Variants in PLCL1 observed in about 807,000 individuals in gnomAD.
PLCL1 encodes inactive phospholipase C-like protein 1.
In PLCL1, 41 loss-of-function variants were observed where a neutral mutation model predicts 84.4. That is an observed-to-expected ratio of 0.49 (90% confidence interval 0.38 to 0.63). The LOEUF is 0.63. Among genes scored for constraint, PLCL1 ranks in the 30% least tolerant of loss-of-function variants. The probability of loss-of-function intolerance (pLI) is 0.00; values close to 1 mark genes in which losing one functional copy is unlikely to be tolerated. For synonymous variants in PLCL1, 490 were observed against 488.3 expected (o/e 1.00, Z -0.05); for missense variants, 1,206 against 1,367.8 (o/e 0.88, Z 1.87).
intron 1 of PLCL1, among the ~76,000 whole-genome samples, chr2:197,820,172 A>T (rs1179794389): frequency 6.6e-6 from 1 of 152,048 alleles, no homozygotes; most frequent in Non-Finnish European, 1.5e-5. Context: ...AAGAAAAAGC[A>T]ATGGATCTGA....
chr2:198,143,993 C>T (rs1176775070), intron 5 of PLCL1, among the ~76,000 whole-genome samples: 1 of 151,910 alleles, frequency 6.6e-6, no homozygotes, highest in East Asian at 1.9e-4. Flanking sequence ...CTGGTACAAA[C>T]TGTTTCCTCC....
At chr2:197,994,986 C>A (rs1407116895) in intron 1 of PLCL1, among the ~76,000 whole-genome samples, 1 of 152,122 alleles carries the variant, frequency 6.6e-6, no homozygotes, top group African/African-American at 2.4e-5. Flanking sequence ...TTTCTCAAAG[C>A]CTTTCTCCAA....
chr2:197,885,735 A>C (rs1687911537), intron 1 of PLCL1, among the ~76,000 whole-genome samples: 1 of 152,124 alleles, frequency 6.6e-6, no homozygotes. Flanking sequence ...TTGTTTCGCT[A>C]TCTAATTATA....
chr2:197,950,334 G>T (rs1186855418), intron 1 of PLCL1, among the ~76,000 whole-genome samples: 1 of 152,082 alleles, frequency 6.6e-6, no homozygotes, highest in Non-Finnish European at 1.5e-5. Flanking sequence ...ACAGCTGGGG[G>T]TCTCTCGTAC....
intron 5 of PLCL1, among the ~76,000 whole-genome samples, chr2:198,137,368 C>T (rs2105942159): frequency 6.6e-6 from 1 of 152,272 alleles, no homozygotes; most frequent in African/African-American, 2.4e-5. Context: ...TAGCAGATCT[C>T]AGTGATACTG....
chr2:197,969,695 A>G (rs570293799), intron 1 of PLCL1, among the ~76,000 whole-genome samples: 1 of 152,206 alleles, frequency 6.6e-6, no homozygotes, highest in Non-Finnish European at 1.5e-5. Flanking sequence ...ATAAGATTGT[A>G]CTTTCCACCA....
Position 198,084,677 on chromosome 2 carries a change from A to C in PLCL1, c.1160A>C (p.Asp387Ala). Residue 387 changes from aspartate to alanine, a missense_variant, in exon 2 of 6, where the codon GAC becomes GCC. By Grantham distance (126) the Asp-to-Ala change is moderately radical. Transcript: ENST00000428675. Reference protein sequence around the residue: ...FTQYLLSSECDIFDPEQKKVA... With the variant: ...FTQYLLSSECAIFDPEQKKVA... ...CAGTATTTATTGTCATCAGAATGTG[A>C]CATTTTTGATCCTGAGCAAAAGAAG... 6.2e-7 allele frequency: 1 copy of C among 1,614,034 alleles called. No individual in the cohort carries two copies. Among genetic ancestry groups the C allele is most frequent in the Non-Finnish European group, 8.5e-7 (1 of 1,179,940 alleles).
At chr2:198,067,034 C>T (rs1356004934) in intron 1 of PLCL1, among the ~76,000 whole-genome samples, 1 of 151,964 alleles carries the variant, frequency 6.6e-6, no homozygotes, top group Non-Finnish European at 1.5e-5. Context: ...GTGCTTGACA[C>T]TAAATTGGGA....
rs549865727 is a variant in PLCL1, at chr2:198,072,537, CT to C, written c.241-11215del. Among the ~76,000 whole-genome samples the C allele has an allele frequency of 2.5e-4, 38 of 151,778 alleles. No homozygotes were observed. In the South Asian group the frequency reaches 4.2e-3, roughly 17 times the overall value. ...AAATATAAAGTAAATAAATAGTGGG[CT>C]TTTTTGTTTTGTTTGCTTTTTGATT... On this transcript the variant is annotated intron_variant, in intron 1 of 5. Coordinates refer to ENST00000428675, the MANE Select transcript of PLCL1 (RefSeq NM_006226.4).
At chr2:197,949,863 G>C (rs1321584653) in intron 1 of PLCL1, among the ~76,000 whole-genome samples, 2 of 152,178 alleles carry the variant, frequency 1.3e-5, no homozygotes, top group African/African-American at 2.4e-5. Flanking sequence ...GATGCATTGT[G>C]TGCGTGGGAT....
At chr2:197,905,037 C>T (rs1285335124) in intron 1 of PLCL1, among the ~76,000 whole-genome samples, 1 of 152,056 alleles carries the variant, frequency 6.6e-6, no homozygotes, top group Admixed American at 6.6e-5. Flanking sequence ...ATTTTGTTGT[C>T]TTCTTGCACA....
intron 3 of PLCL1, among the ~76,000 whole-genome samples, chr2:198,089,669 A>G (rs922203670): frequency 4.6e-5 from 7 of 152,188 alleles, no homozygotes; most frequent in African/African-American, 1.7e-4. Flanking sequence ...TTAGTTGCAA[A>G]GGAGAATGGA....
At chr2:198,070,075 T>C (rs1692425380) in intron 1 of PLCL1, among the ~76,000 whole-genome samples, 1 of 152,164 alleles carries the variant, frequency 6.6e-6, no homozygotes, top group Non-Finnish European at 1.5e-5. Context: ...CAAGTTCACC[T>C]GATGGAGAGC....
chr2:197,946,584 TTTCCAGAG>T (rs1689276815), intron 1 of PLCL1, among the ~76,000 whole-genome samples: 4 of 152,194 alleles, frequency 2.6e-5, no homozygotes, highest in Non-Finnish European at 5.9e-5. Context: ...ATAACTAACA[TTTCCAGAG>T]TTCTGGAATC....
intron 1 of PLCL1, among the ~76,000 whole-genome samples, chr2:197,809,540 C>A (rs573375438): frequency 6.6e-6 from 1 of 152,314 alleles, no homozygotes; most frequent in Admixed American, 6.5e-5. Flanking sequence ...GCAACCTCTT[C>A]TGTCTTTGGC....
intron 1 of PLCL1, among the ~76,000 whole-genome samples, chr2:197,831,781 G>A (rs760990398): frequency 2.6e-5 from 4 of 152,026 alleles, no homozygotes; most frequent in Non-Finnish European, 4.4e-5. Flanking sequence ...TAAAACTCCT[G>A]AGAAAATGCT....
chr2:198,096,015 A>G (rs1251686203), intron 3 of PLCL1, among the ~76,000 whole-genome samples: 2 of 152,188 alleles, frequency 1.3e-5, no homozygotes, highest in Non-Finnish European at 2.9e-5. Flanking sequence ...GCCATTTTGT[A>G]TATGTCTTTA....
chr2:197,926,489 T>C (rs1319124792), intron 1 of PLCL1, among the ~76,000 whole-genome samples: 1 of 152,218 alleles, frequency 6.6e-6, no homozygotes, highest in Non-Finnish European at 1.5e-5. Context: ...TTTTTTGTTA[T>C]GAGCTTTCAA....
intron 5 of PLCL1, among the ~76,000 whole-genome samples, chr2:198,129,311 A>C (rs1284946212): frequency 6.6e-6 from 1 of 152,040 alleles, no homozygotes; most frequent in Non-Finnish European, 1.5e-5. Context: ...CACCTATAAG[A>C]CTTCATCTAC....
Sources: allele counts gnomAD v4.1 joint callset (sites outside exome capture counted in the v4.1 genomes callset), GRCh38; gene constraint gnomAD v4.1.1; transcripts MANE v1.5; gene names NCBI Gene and HGNC (gene_info 2026-07-23, HGNC 2026-07-21).